FOXP2: variants seen among roughly 807,000 people sequenced by gnomAD.
FOXP2 encodes the protein forkhead box P2, also known as forkhead box protein P2.
In FOXP2, 12 loss-of-function variants were observed where a neutral mutation model predicts 115.8. That is an observed-to-expected ratio of 0.10 (90% CI 0.07 to 0.17). The LOEUF (loss-of-function observed/expected upper bound fraction) is 0.17. Among genes scored for constraint, FOXP2 ranks in the 10% least tolerant of loss-of-function variants. The pLI, the probability that FOXP2 is intolerant of heterozygous loss-of-function variation, is 1.00. For synonymous variants in FOXP2, 328 were observed against 297.7 expected (o/e 1.10, Z -1.05); for missense variants, 629 against 843.5 (o/e 0.75, Z 3.15).
chr7:114,659,275 A>G (rs1258379928), intron 11 of FOXP2, 81 bp from the exon 12 acceptor site: 9 of 1,023,764 alleles, frequency 8.8e-6, no homozygotes, highest in Non-Finnish European at 1.4e-5. Flanking sequence ...TCACTTTACC[A>G]ATACTAGAGG....
chr7:114,434,252 G>T (rs1167707330), intron 2 of FOXP2, among the ~76,000 whole-genome samples: 1 of 151,818 alleles, frequency 6.6e-6, no homozygotes, highest in African/African-American at 2.4e-5. Context: ...AATACTAAAA[G>T]AAAATGTGTT....
intron 2 of FOXP2, among the ~76,000 whole-genome samples, chr7:114,470,295 A>T (rs748524649): frequency 3.3e-5 from 5 of 151,952 alleles, no homozygotes; most frequent in Admixed American, 6.6e-5. Flanking sequence ...TTTTCCCCCG[A>T]CCCTCCCAAA....
intron 2 of FOXP2, among the ~76,000 whole-genome samples, chr7:114,398,868 T>C (rs1792808594): frequency 6.6e-6 from 1 of 152,228 alleles, no homozygotes; most frequent in Non-Finnish European, 1.5e-5. Context: ...CTCTAAGCTG[T>C]TGTGAATTAA....
intron 16 of FOXP2, chr7:114,669,076 A>G (rs1807345845): frequency 6.6e-6 from 1 of 152,038 alleles, no homozygotes; most frequent in South Asian, 2.1e-4. Flanking sequence ...TTTAATTAAT[A>G]TGTATTTTAT....
intron 2 of FOXP2, among the ~76,000 whole-genome samples, chr7:114,400,048 G>C (rs35624276): frequency 6.6e-6 from 1 of 151,342 alleles, no homozygotes; most frequent in African/African-American, 2.4e-5. Context: ...GTAGAGACGG[G>C]GGGGTTTCAC....
intron 16 of FOXP2, among the ~76,000 whole-genome samples, chr7:114,686,060 T>A (rs1808345752): frequency 6.6e-6 from 1 of 152,044 alleles, no homozygotes; most frequent in Non-Finnish European, 1.5e-5. Context: ...TGTATTAAAC[T>A]TTTTGCCCCA....
chr7:114,506,442 A>G (rs1797822303), intron 2 of FOXP2, among the ~76,000 whole-genome samples: 1 of 151,684 alleles, frequency 6.6e-6, no homozygotes, highest in Admixed American at 6.6e-5. Context: ...GGAAACTAAG[A>G]CAGAAATCAT....
chr7:114,507,243 C>A (rs1797866741), intron 2 of FOXP2, among the ~76,000 whole-genome samples: 2 of 151,814 alleles, frequency 1.3e-5, no homozygotes, highest in South Asian at 4.1e-4. Context: ...ATCTATCTAT[C>A]CTACCTGATT....
intron 3 of FOXP2, among the ~76,000 whole-genome samples, chr7:114,573,316 C>T (rs1801412638): frequency 6.6e-6 from 1 of 151,742 alleles, no homozygotes; most frequent in Admixed American, 6.6e-5. Context: ...AATCAATATA[C>T]TAACCAGAAA....
intron 2 of FOXP2, among the ~76,000 whole-genome samples, chr7:114,523,632 G>C (rs185640843): frequency 6.6e-6 from 1 of 152,114 alleles, no homozygotes; most frequent in Non-Finnish European, 1.5e-5. Flanking sequence ...ATTGCAGAAA[G>C]CTAGAATGTG....
intron 2 of FOXP2, among the ~76,000 whole-genome samples, chr7:114,310,935 C>T (rs778763031): frequency 2.0e-5 from 3 of 152,094 alleles, no homozygotes; most frequent in Non-Finnish European, 4.4e-5. Flanking sequence ...TGACTTGAGC[C>T]TTTATATGTT....
At chr7:114,314,321 A>G (rs1300867466) in intron 2 of FOXP2, among the ~76,000 whole-genome samples, 2 of 151,538 alleles carry the variant, frequency 1.3e-5, no homozygotes, top group South Asian at 2.1e-4. Flanking sequence ...ATATAACTGT[A>G]AAAAGCTGTG....
intron 1 of FOXP2, among the ~76,000 whole-genome samples, chr7:114,107,251 C>G (rs1296030549): frequency 1.3e-5 from 2 of 151,898 alleles, no homozygotes; most frequent in African/African-American, 4.8e-5. Context: ...TTTTTATAAA[C>G]AAGGCTAATT....
intron 1 of FOXP2, among the ~76,000 whole-genome samples, chr7:114,251,278 G>A (rs1440649486): frequency 6.6e-6 from 1 of 152,112 alleles, no homozygotes; most frequent in Non-Finnish European, 1.5e-5. Context: ...TTGGCAATGT[G>A]GGCTCTTTTT....
chr7:114,390,772 G>A (rs1475726585), intron 2 of FOXP2, among the ~76,000 whole-genome samples: 1 of 151,812 alleles, frequency 6.6e-6, no homozygotes, highest in Non-Finnish European at 1.5e-5. Flanking sequence ...TCCCCAGGCT[G>A]GTCTTCAACT....
At chr7:114,246,382 A>C (rs935990808) in intron 1 of FOXP2, among the ~76,000 whole-genome samples, 1 of 152,150 alleles carries the variant, frequency 6.6e-6, no homozygotes, top group Non-Finnish European at 1.5e-5. Context: ...TGAGACCCCC[A>C]AAATTTAAAG....
At chr7:114,369,735 A>T (rs534903854) in intron 2 of FOXP2, among the ~76,000 whole-genome samples, 6 of 152,286 alleles carry the variant, frequency 3.9e-5, no homozygotes, top group East Asian at 1.9e-4. Flanking sequence ...TTAAGCCCCT[A>T]TCAACAGATT....
At chr7:114,677,619 A>T (rs1322037853) in intron 16 of FOXP2, among the ~76,000 whole-genome samples, 1 of 152,188 alleles carries the variant, frequency 6.6e-6, no homozygotes, top group Non-Finnish European at 1.5e-5. Flanking sequence ...GCAAGCATTA[A>T]CATTACTTCT....
chr7:114,346,968 G>A (rs1178113079), intron 2 of FOXP2, among the ~76,000 whole-genome samples: 1 of 151,776 alleles, frequency 6.6e-6, no homozygotes, highest in Admixed American at 6.6e-5. Flanking sequence ...ACACAGATAT[G>A]TATTGAAATA....
Sources: allele counts gnomAD v4.1 joint callset (sites outside exome capture counted in the v4.1 genomes callset), GRCh38; gene constraint gnomAD v4.1.1; transcripts MANE v1.5; gene names NCBI Gene and HGNC (gene_info 2026-07-23, HGNC 2026-07-21).